Variants in KHDRBS2 observed in about 807,000 individuals in gnomAD.
KHDRBS2 encodes the protein KH domain-containing, RNA-binding, signal transduction-associated protein 2.
Under a neutral mutation model 44.3 loss-of-function variants are expected in KHDRBS2, and 26 were observed. That is an observed-to-expected ratio of 0.59 (90% confidence interval 0.43 to 0.81). The LOEUF is 0.81. Ranked by LOEUF, KHDRBS2 falls within the 40% of genes least tolerant of loss-of-function variation. KHDRBS2 has a pLI of 0.00. For synonymous variants in KHDRBS2, 194 were observed against 151.1 expected (o/e 1.28, Z -2.08); for missense variants, 476 against 433.1 (o/e 1.10, Z -0.88).
At chr6:61,554,428 C>A in the KHDRBS2 span, among the ~76,000 whole-genome samples, 1 of 152,004 alleles carries the variant, frequency 6.6e-6, no homozygotes, top group South Asian at 2.1e-4. Flanking sequence ...CTCTTGAAGA[C>A]AACAAACCAT....
At chr6:61,755,843 C>A in intron 6 of KHDRBS2, among the ~76,000 whole-genome samples, 1 of 150,498 alleles carries the variant, frequency 6.6e-6, no homozygotes, top group Non-Finnish European at 1.5e-5. Context: ...GAAAAATATA[C>A]TATAATAATT....
intron 6 of KHDRBS2, among the ~76,000 whole-genome samples, chr6:61,862,446 T>G (rs483228): frequency 0.57 from 86,870 of 151,560 alleles, 25,037 homozygotes; most frequent in South Asian, 0.68. Flanking sequence ...TACGATATCA[T>G]TGGTGGGTTT....
intron 2 of KHDRBS2, among the ~76,000 whole-genome samples, chr6:62,095,169 A>C (rs1440565323): frequency 1.3e-5 from 2 of 151,852 alleles, no homozygotes; most frequent in East Asian, 3.8e-4. Flanking sequence ...ACATCTGAAA[A>C]AGAAATAAAG....
At chr6:61,815,132 G>T (rs1416162687) in intron 6 of KHDRBS2, among the ~76,000 whole-genome samples, 1 of 151,096 alleles carries the variant, frequency 6.6e-6, no homozygotes, top group Non-Finnish European at 1.5e-5. Flanking sequence ...CAGGTTGGTT[G>T]AATCCATGGA....
chr6:61,931,142 A>G (rs1232351815), intron 4 of KHDRBS2, among the ~76,000 whole-genome samples: 1 of 152,098 alleles, frequency 6.6e-6, no homozygotes, highest in Non-Finnish European at 1.5e-5. Flanking sequence ...TGTTAAAAAT[A>G]TAAGAAGTTT....
chr6:62,063,434 A>G lies in KHDRBS2; in HGVS notation c.220-15440T>C, dbSNP rs1374326624. Among the ~76,000 whole-genome samples the G allele has an allele frequency of 2.0e-5, 3 of 151,426 alleles. No homozygotes were observed. The East Asian group carries it at 5.9e-4, about 30-fold the overall frequency. The stretch of plus-strand genomic sequence containing the variant: ...GACATCAAAAAGCTTACCCACCATG[A>G]TCAAGTGGGCTTCATCCCTGGGATG... On this transcript the variant is annotated intron_variant, in intron 2 of 8. Transcript: ENST00000281156.
the KHDRBS2 span, among the ~76,000 whole-genome samples, chr6:61,569,624 G>A: frequency 6.6e-6 from 1 of 152,152 alleles, no homozygotes; most frequent in Non-Finnish European, 1.5e-5. Flanking sequence ...ATTCAAGGAA[G>A]CCAGCACACT....
At chr6:61,940,914 C>T (rs143025853) in intron 4 of KHDRBS2, among the ~76,000 whole-genome samples, 1 of 152,330 alleles carries the variant, frequency 6.6e-6, no homozygotes, top group Non-Finnish European at 1.5e-5. Flanking sequence ...GGGGCATCTC[C>T]TCACCTGCTG....
intron 8 of KHDRBS2, among the ~76,000 whole-genome samples, chr6:61,693,948 G>C (rs1767637015): frequency 6.6e-6 from 1 of 152,068 alleles, no homozygotes; most frequent in Non-Finnish European, 1.5e-5. Flanking sequence ...ACGTGGCATT[G>C]ACATTTCAAA....
chr6:62,178,853 A>C (rs1317819628), intron 1 of KHDRBS2, among the ~76,000 whole-genome samples: 1 of 151,624 alleles, frequency 6.6e-6, no homozygotes, highest in African/African-American at 2.4e-5. Context: ...TGGATAGAAC[A>C]AAACATTATA....
chr6:61,818,559 A>AGAAGAAAT (rs1239061469), intron 6 of KHDRBS2, among the ~76,000 whole-genome samples: 17 of 151,996 alleles, frequency 1.1e-4, no homozygotes, highest in African/African-American at 3.6e-4. Context: ...AACAGTGCCT[A>AGAAGAAAT]GAAGAAATGC....
chr6:61,574,558 T>C, the KHDRBS2 span, among the ~76,000 whole-genome samples: 1 of 152,084 alleles, frequency 6.6e-6, no homozygotes, highest in African/African-American at 2.4e-5. Context: ...ATGCTGAGAC[T>C]TCACCAGTCA....
chr6:61,671,638 A>ATCT, the KHDRBS2 span, among the ~76,000 whole-genome samples: 1 of 151,738 alleles, frequency 6.6e-6, no homozygotes, highest in Non-Finnish European at 1.5e-5. Flanking sequence ...AAAAACAGCT[A>ATCT]TCTTATTGTT....
intron 6 of KHDRBS2, among the ~76,000 whole-genome samples, chr6:61,871,257 A>G (rs1287047751): frequency 6.6e-6 from 1 of 152,234 alleles, no homozygotes; most frequent in Non-Finnish European, 1.5e-5. Context: ...AAAGGATATC[A>G]GAGATTGAAG....
chr6:62,120,501 G>A (rs1418719790), intron 2 of KHDRBS2, among the ~76,000 whole-genome samples: 1 of 152,154 alleles, frequency 6.6e-6, no homozygotes, highest in Non-Finnish European at 1.5e-5. Flanking sequence ...CGAGGTGGCA[G>A]GGACCAAGTG....
chr6:61,556,855 C>A, the KHDRBS2 span, among the ~76,000 whole-genome samples: 1 of 143,968 alleles, frequency 6.9e-6, no homozygotes, highest in Non-Finnish European at 1.5e-5. Flanking sequence ...TCAAGGACAT[C>A]CGTAAGTGAA....
At chr6:61,606,842 T>C in the KHDRBS2 span, among the ~76,000 whole-genome samples, 93,546 of 151,976 alleles carry the variant, frequency 0.62, 29,010 homozygotes, top group Non-Finnish European at 0.65. Flanking sequence ...AGGTTTATTT[T>C]TATCTGCAGG....
intron 2 of KHDRBS2, among the ~76,000 whole-genome samples, chr6:62,103,601 G>T (rs2127375789): frequency 7.0e-6 from 1 of 142,836 alleles, no homozygotes; most frequent in African/African-American, 2.6e-5. Context: ...CCAGAACCAG[G>T]CAGAAGCAGC....
At chr6:62,173,303 A>G (rs1820445335) in intron 2 of KHDRBS2, among the ~76,000 whole-genome samples, 1 of 152,040 alleles carries the variant, frequency 6.6e-6, no homozygotes, top group South Asian at 2.1e-4. Context: ...ACTATTAAAA[A>G]CACCTCTATA....
Sources: gnomAD v4.1 joint callset for allele counts (sites outside exome capture counted in the v4.1 genomes callset) on GRCh38, gnomAD v4.1.1 for gene constraint, MANE v1.5 for transcripts, NCBI Gene and HGNC (gene_info 2026-07-23, HGNC 2026-07-21) for gene names.